The following MARCHF1 variants were observed in gnomAD, a reference collection of about 807,000 sequenced individuals.
MARCHF1 encodes E3 ubiquitin-protein ligase MARCHF1.
In MARCHF1, 40 loss-of-function variants were observed where a neutral mutation model predicts 54.2. The observed-to-expected ratio is 0.74, with a 90% CI of 0.57 to 0.96. The LOEUF is 0.96. Ranked by LOEUF, MARCHF1 falls within the 40% of genes least tolerant of loss-of-function variation. The pLI is 0.00. For synonymous variants in MARCHF1, 236 were observed against 236.3 expected (o/e 1.00, Z 0.01); for missense variants, 586 against 656.5 (o/e 0.89, Z 1.17).
intron 8 of MARCHF1, among the ~76,000 whole-genome samples, chr4:163,565,424 C>T (rs772334808): frequency 1.9e-4 from 29 of 152,142 alleles, no homozygotes; most frequent in Non-Finnish European, 3.8e-4. Flanking sequence ...AGGTGGGTTG[C>T]CTTGACAACG....
chr4:163,787,654 A>G (rs1315218880), intron 4 of MARCHF1, among the ~76,000 whole-genome samples: 1 of 152,006 alleles, frequency 6.6e-6, no homozygotes, highest in East Asian at 1.9e-4. Context: ...TCACTATGGA[A>G]AATGGTATGA....
intron 4 of MARCHF1, among the ~76,000 whole-genome samples, chr4:163,755,422 ATAT>A (rs1746637085): frequency 6.6e-6 from 1 of 152,160 alleles, no homozygotes; most frequent in Non-Finnish European, 1.5e-5. Flanking sequence ...CCTACCTAAA[ATAT>A]TATAGTTGGC....
Position 163,528,983 on chromosome 4 carries a change from A to C in MARCHF1, c.1403T>G (p.Leu468Arg). The C allele has an allele frequency of 6.2e-7, 1 of 1,612,952 alleles. No homozygotes were observed. Among genetic ancestry groups the C allele is most frequent in the Non-Finnish European group, 8.5e-7 (1 of 1,179,330 alleles). Residue 468 changes from leucine to arginine, a missense_variant, in exon 10 of 10, where the codon CTT becomes CGT. Transcript: ENST00000514618. ...TTTACACTGTACGTACATGAAGACA[A>C]GACCTCCTGTGAAGCCAATGGCTAC... ...VVVAIGFTGG[L>R]VFMYVQCKVY...
chr4:164,042,278 T>G (rs1032612129), intron 2 of MARCHF1, among the ~76,000 whole-genome samples: 8 of 152,072 alleles, frequency 5.3e-5, no homozygotes, highest in African/African-American at 1.9e-4. Flanking sequence ...AAGAACTACT[T>G]GAGACTGAGT....
intron 1 of MARCHF1, among the ~76,000 whole-genome samples, chr4:164,149,438 G>A (rs1729870844): frequency 6.6e-6 from 1 of 152,136 alleles, no homozygotes; most frequent in South Asian, 2.1e-4. Context: ...TCAGAGAGTG[G>A]AGTAAGAAGA....
At chr4:163,985,016 C>T (rs186752173) in intron 3 of MARCHF1, among the ~76,000 whole-genome samples, 1 of 152,104 alleles carries the variant, frequency 6.6e-6, no homozygotes, top group Non-Finnish European at 1.5e-5. Context: ...TTATCAATTC[C>T]ATTTACCAAG....
chr4:163,889,914 A>ATTTTC (rs1248632248), intron 3 of MARCHF1, among the ~76,000 whole-genome samples: 1 of 67,140 alleles, frequency 1.5e-5, no homozygotes, highest in Non-Finnish European at 3.1e-5. Context: ...TCGTTTATTT[A>ATTTTC]TTTTCTTTTT....
chr4:163,994,583 A>T (rs1022096842), intron 2 of MARCHF1, among the ~76,000 whole-genome samples: 76 of 151,982 alleles, frequency 5.0e-4, no homozygotes, highest in African/African-American at 1.4e-3. Context: ...AATAACATTT[A>T]AAAAAAAGAA....
At chr4:163,671,881 T>C (rs1743749702) in intron 5 of MARCHF1, among the ~76,000 whole-genome samples, 2 of 152,250 alleles carry the variant, frequency 1.3e-5, no homozygotes, top group Non-Finnish European at 2.9e-5. Flanking sequence ...TTCTAAAGAT[T>C]ATCTCAACAG....
intron 3 of MARCHF1, among the ~76,000 whole-genome samples, chr4:163,931,264 C>T (rs1476666594): frequency 6.6e-6 from 1 of 152,138 alleles, no homozygotes; most frequent in African/African-American, 2.4e-5. Flanking sequence ...TTTATTATGG[C>T]AGCCTGAGCT....
chr4:163,971,261 T>C (rs1752541931), intron 3 of MARCHF1, among the ~76,000 whole-genome samples: 1 of 152,138 alleles, frequency 6.6e-6, no homozygotes, highest in South Asian at 2.1e-4. Flanking sequence ...TTATTTCAGA[T>C]AAATTCAGAC....
chr4:163,659,707 GA>G (rs536386145), intron 5 of MARCHF1, among the ~76,000 whole-genome samples: 13 of 147,932 alleles, frequency 8.8e-5, no homozygotes, highest in Admixed American at 1.3e-4. Context: ...AAATTTACAA[GA>G]AAAAAAAAAC....
At chr4:163,841,114 C>A (rs1442869526) in intron 4 of MARCHF1, among the ~76,000 whole-genome samples, 1 of 151,842 alleles carries the variant, frequency 6.6e-6, no homozygotes, top group Non-Finnish European at 1.5e-5. Context: ...TACATGGGGA[C>A]CAGGGAGGAG....
At chr4:163,619,735 A>G (rs1051282855) in intron 5 of MARCHF1, among the ~76,000 whole-genome samples, 2 of 152,098 alleles carry the variant, frequency 1.3e-5, no homozygotes, top group Non-Finnish European at 1.5e-5. Context: ...TACTGGTTAC[A>G]GTAAAGTTTA....
chr4:164,184,923 A>C (rs1331535038), intron 1 of MARCHF1, among the ~76,000 whole-genome samples: 1 of 152,242 alleles, frequency 6.6e-6, no homozygotes, highest in Non-Finnish European at 1.5e-5. Flanking sequence ...TGACAGTGGC[A>C]CAACTAAGTG....
Position 164,212,296 on chromosome 4 carries a change from C to G in MARCHF1, c.-322-100634G>C, listed in dbSNP as rs542988991. Among the ~76,000 whole-genome samples the G allele has an allele frequency of 2.0e-5, 3 of 152,180 alleles. No individual in the cohort carries two copies. In the South Asian group the frequency reaches 6.2e-4, roughly 32 times the overall value. On this transcript the variant is annotated intron_variant, in intron 1 of 9. Transcript: ENST00000514618. The stretch of plus-strand genomic sequence containing the variant: ...AGCCATATGAGATGACATTATTTTC[C>G]CCATTTTTCAAGAGAGAAAAATGAG...
At chr4:163,937,921 C>T (rs1751835264) in intron 3 of MARCHF1, among the ~76,000 whole-genome samples, 1 of 152,106 alleles carries the variant, frequency 6.6e-6, no homozygotes, top group East Asian at 1.9e-4. Flanking sequence ...ATCCTCCACC[C>T]CTTGATTCCC....
chr4:164,197,266 T>C, intron 1 of MARCHF1: 2 of 1,611,216 alleles, frequency 1.2e-6, no homozygotes, highest in Non-Finnish European at 1.7e-6. Flanking sequence ...AGGGGCCTCC[T>C]TGTGGTCCCA....
intron 2 of MARCHF1, among the ~76,000 whole-genome samples, chr4:164,072,080 G>C (rs1754879052): frequency 6.6e-6 from 1 of 151,718 alleles, no homozygotes; most frequent in Non-Finnish European, 1.5e-5. Flanking sequence ...AGCACTTTTA[G>C]CTAGTCAAAA....
Sources: allele counts gnomAD v4.1 joint callset (sites outside exome capture counted in the v4.1 genomes callset), GRCh38; gene constraint gnomAD v4.1.1; transcripts MANE v1.5; gene names NCBI Gene and HGNC (gene_info 2026-07-23, HGNC 2026-07-21).